The following GINM1 variants were observed in gnomAD, a reference collection of about 807,000 sequenced individuals.
The protein encoded by GINM1 is glycoprotein integral membrane protein 1.
Under a neutral mutation model 37.8 loss-of-function variants are expected in GINM1, and 29 were observed. The observed-to-expected ratio is 0.77, with a 90% CI of 0.57 to 1.05. GINM1 has a LOEUF of 1.05. Ranked by LOEUF, GINM1 falls within the 50% of genes least tolerant of loss-of-function variation. GINM1 has a pLI of 0.00. For missense variants in GINM1, 377 were observed against 397.9 expected, an observed-to-expected ratio of 0.95 and a Z score of 0.45; for synonymous variants, 143 against 146.2, an observed-to-expected ratio of 0.98 and a Z score of 0.16.
intron 1 of GINM1, among the ~76,000 whole-genome samples, chr6:149,567,328 A>G (rs1344945785): frequency 6.6e-6 from 1 of 152,202 alleles, no homozygotes; most frequent in African/African-American, 2.4e-5. Context: ...AAAAGTTTGA[A>G]TATTTTAAAG....
intron 6 of GINM1, among the ~76,000 whole-genome samples, chr6:149,581,439 A>C (rs1295028099): frequency 6.6e-6 from 1 of 152,174 alleles, no homozygotes; most frequent in Non-Finnish European, 1.5e-5. Context: ...GATTATAGGC[A>C]TGAGCCACCA....
intron 1 of GINM1, among the ~76,000 whole-genome samples, chr6:149,571,672 A>G (rs1418298047): frequency 1.3e-5 from 2 of 152,190 alleles, no homozygotes; most frequent in African/African-American, 4.8e-5. Flanking sequence ...AGGTAGGGGT[A>G]ATATTTTATA....
intron 1 of GINM1, among the ~76,000 whole-genome samples, chr6:149,571,084 G>C (rs1777810906): frequency 1.3e-5 from 2 of 152,152 alleles, no homozygotes; most frequent in Non-Finnish European, 2.9e-5. Flanking sequence ...GGGAGGCCGA[G>C]GTGGGTGGAT....
chr6:149,566,571 T>C lies in GINM1; in HGVS notation c.120+37T>C. ...CGGGCCTGGCTGGCCGCTTTACGACTCCGACTCTCCGGGAGGCCCGGGCTG... is the reference window on the plus strand; with the variant it reads ...CGGGCCTGGCTGGCCGCTTTACGACCCCGACTCTCCGGGAGGCCCGGGCTG... On this transcript the variant is annotated intron_variant, in intron 1 of 7. Transcript: ENST00000367419. This position sits in a 1 kb window ranked among gnomAD's most constrained non-coding sequence, Gnocchi z 4.4. 1 of 1,456,346 alleles carries C rather than the reference T, an allele frequency of 6.9e-7. No individual in the cohort carries two copies. Among genetic ancestry groups the C allele is most frequent in the Non-Finnish European group, 9.0e-7 (1 of 1,105,552 alleles). The allele number at this position is 1,456,346 out of a possible 1,614,324, so 90.2% of individuals were successfully genotyped here. A position where few individuals can be genotyped will look rare whatever the true frequency, so the allele number is the denominator to read the frequency against.
chr6:149,578,367 A>T lies in GINM1; in HGVS notation c.278-455A>T, dbSNP rs1777946947. 3.9e-5 allele frequency among the ~76,000 whole-genome samples: 6 copies of T among 152,090 alleles called. No homozygotes were observed. The South Asian group carries it at 1.2e-3, about 31-fold the overall frequency. ...TGGTGAAACCCTATCTCTGCTAAAA[A>T]TACAAAAAAACAGCTGAGCATGGTG... On this transcript the variant is annotated intron_variant, in intron 3 of 7. Transcript: ENST00000367419.
In GINM1 at chr6:149,571,446, T is replaced by C. The variant is rs765363681; in HGVS notation, c.121-839T>C. ...AGATGGACTACTGTGATTACAGCTA[T>C]GTGCATCAACAGTATCAACTACAGT... On this transcript the variant is annotated intron_variant, in intron 1 of 7. Coordinates refer to ENST00000367419, the MANE Select transcript of GINM1 (RefSeq NM_138785.5). Among the ~76,000 whole-genome samples the C allele has an allele frequency of 3.0e-4, 45 of 152,206 alleles. 1 individual carries two copies. Among genetic ancestry groups the C allele is most frequent in the Non-Finnish European group, 5.6e-4 (38 of 68,042 alleles).
At chr6:149,569,461 C>G (rs537917732) in intron 1 of GINM1, among the ~76,000 whole-genome samples, 4 of 151,664 alleles carry the variant, frequency 2.6e-5, no homozygotes, top group African/African-American at 9.7e-5. Flanking sequence ...GCCTCAGCCT[C>G]CCAGATAGCT....
At position 149,578,941 on chromosome 6, in the gene GINM1, C is replaced by G. The variant is rs779084458; in HGVS notation, c.397C>G (p.Gln133Glu). ...TTCCAGTTTGCAACTAATTGTCATT[C>G]AAGAAGAGGTAGTAGAGATTGATGG... is the stretch of plus-strand genomic sequence containing the variant. Reference protein sequence around the residue: ...SGSSLQLIVIQEEVVEIDGKQ... With the variant: ...SGSSLQLIVIEEEVVEIDGKQ... The change falls in exon 4 of 8, where the codon CAA (glutamine) becomes GAA (glutamate). Residue 133 changes from glutamine to glutamate, a missense_variant. Transcript: ENST00000367419. 1 of 1,603,022 alleles carries G rather than the reference C, an allele frequency of 6.2e-7. No homozygotes were observed. The highest frequency in any genetic ancestry group is 8.5e-7 in the Non-Finnish European group (1 of 1,171,108).
intron 1 of GINM1, among the ~76,000 whole-genome samples, chr6:149,570,192 A>G (rs868124056): frequency 1.1e-5 from 1 of 93,536 alleles, no homozygotes; most frequent in African/African-American, 3.9e-5. Context: ...ATATATATAT[A>G]TATATAAAGT....
rs562710645 is a variant in GINM1 at position 149,568,147 on chromosome 6, G to A, written c.120+1613G>A. 2.6e-4 allele frequency among the ~76,000 whole-genome samples: 39 copies of A among 152,302 alleles called. 1 individual carries two copies. The highest frequency in any genetic ancestry group is 7.2e-4 in the African/African-American group (30 of 41,574). ...TATTACGCTGGGTGCAGTGGCTCAC[G>A]CCTGTAATCCCAGCTACTGGGAATC... On this transcript the variant is annotated intron_variant, in intron 1 of 7. Coordinates refer to ENST00000367419, the MANE Select transcript of GINM1 (RefSeq NM_138785.5).
chr6:149,587,936 A>G (rs1778097705), intron 7 of GINM1, among the ~76,000 whole-genome samples: 1 of 152,176 alleles, frequency 6.6e-6, no homozygotes, highest in Admixed American at 6.5e-5. Flanking sequence ...CACTTTGGAG[A>G]TTTAAGGATT....
intron 3 of GINM1, chr6:149,576,440 A>G (rs1190687592): frequency 2.6e-5 from 4 of 152,216 alleles, no homozygotes; most frequent in South Asian, 2.1e-4. Flanking sequence ...CACTTGGGCT[A>G]TGCTCTGTTT....
At chr6:149,567,533 CGGGAG>C (rs1777740416) in intron 1 of GINM1, among the ~76,000 whole-genome samples, 1 of 152,042 alleles carries the variant, frequency 6.6e-6, no homozygotes, top group South Asian at 2.1e-4. Flanking sequence ...CCCAGCTACT[CGGGAG>C]GCGGAGACAG....
chr6:149,584,409 AT>A (rs1347436574), intron 7 of GINM1: 1 of 152,194 alleles, frequency 6.6e-6, no homozygotes, highest in Non-Finnish European at 1.5e-5. Flanking sequence ...TAATTTGAAC[AT>A]TTACTTTTCC....
rs1777955788 is a variant in GINM1 at position 149,578,833 on chromosome 6, A to T, written c.289A>T (p.Asn97Tyr). Residue 97 changes from asparagine to tyrosine, a missense_variant, in exon 4 of 8, where the codon AAT (asparagine) becomes TAT (tyrosine). Physicochemically the swap from Asn to Tyr is moderately radical, Grantham distance 143. Coordinates refer to ENST00000367419, the MANE Select transcript of GINM1 (RefSeq NM_138785.5). ...SCQTLIVKNE[N>Y]LENLEEKEYF... is the part of the protein sequence containing the mutation. The stretch of plus-strand genomic sequence containing the variant: ...TTTTTTTTTTATAGTGAAGAATGAA[A>T]ATCTTGAAAATTTGGAGGAAAAAGA... The T allele has an allele frequency of 6.3e-7, 1 of 1,577,448 alleles. No homozygotes were observed. The highest frequency in any genetic ancestry group is 8.6e-7 in the Non-Finnish European group (1 of 1,156,770).
At chr6:149,587,397 A>G (rs940053955) in intron 7 of GINM1, among the ~76,000 whole-genome samples, 1 of 152,146 alleles carries the variant, frequency 6.6e-6, no homozygotes, top group African/African-American at 2.4e-5. Context: ...CCCCCTTCAG[A>G]TGCCAGTTGT....
chr6:149,575,439 G>A (rs1262959254), intron 3 of GINM1, among the ~76,000 whole-genome samples: 1 of 152,218 alleles, frequency 6.6e-6, no homozygotes, highest in African/African-American at 2.4e-5. Flanking sequence ...GGGTGAGACT[G>A]CCAGACACTT....
chr6:149,584,892 C>T (rs1778047748), intron 7 of GINM1, among the ~76,000 whole-genome samples: 1 of 151,744 alleles, frequency 6.6e-6, no homozygotes, highest in African/African-American at 2.4e-5. Flanking sequence ...AACTCTTGGC[C>T]TCAAGTTGTC....
At chr6:149,573,550 T>C (rs1777862619) in intron 3 of GINM1, among the ~76,000 whole-genome samples, 1 of 152,172 alleles carries the variant, frequency 6.6e-6, no homozygotes, top group Non-Finnish European at 1.5e-5. Flanking sequence ...TCAGTATTGA[T>C]GAAACTGTAT....
Sources: allele counts gnomAD v4.1 joint callset (sites outside exome capture counted in the v4.1 genomes callset), GRCh38; gene constraint gnomAD v4.1.1; non-coding constraint Gnocchi (gnomAD v3.1); transcripts MANE v1.5; gene names NCBI Gene and HGNC (gene_info 2026-07-23, HGNC 2026-07-21).